LRP5: variants seen among roughly 807,000 people sequenced by gnomAD.
The protein encoded by LRP5 is low-density lipoprotein receptor-related protein 5.
LRP5 carries 62 observed loss-of-function variants against 154.1 expected under a neutral mutation model. That is an observed-to-expected ratio of 0.40 (90% CI 0.33 to 0.50). The LOEUF is 0.50. Among genes scored for constraint, LRP5 ranks in the 20% least tolerant of loss-of-function variants. The probability of loss-of-function intolerance (pLI) is 0.55; values close to 1 mark genes in which losing one functional copy is unlikely to be tolerated. For missense variants in LRP5, 1,915 were observed against 2,336.7 expected, an observed-to-expected ratio of 0.82 and a Z score of 3.72; for synonymous variants, 966 against 1,011.5, an observed-to-expected ratio of 0.96 and a Z score of 0.85.
chr11:68,435,037 A>G (rs1028501065), intron 18 of LRP5, among the ~76,000 whole-genome samples: 2 of 152,252 alleles, frequency 1.3e-5, no homozygotes, highest in Admixed American at 6.5e-5. Flanking sequence ...TTTTGTAAAT[A>G]AAGTTTTCTT....
chr11:68,341,059 C>CCTTTTT (rs1555071026), intron 1 of LRP5, among the ~76,000 whole-genome samples: 8 of 83,478 alleles, frequency 9.6e-5, no homozygotes, highest in African/African-American at 2.9e-4. Flanking sequence ...GGAGATTGTT[C>CCTTTTT]TTTTTTTTTT....
chr11:68,409,960 T>C lies in LRP5; in HGVS notation c.2138T>C (p.Val713Ala). 1 of 1,613,274 alleles carries C rather than the reference T, an allele frequency of 6.2e-7. No individual in the cohort carries two copies. Residue 713 changes from valine (V) to alanine (A), a missense_variant, in exon 10 of 23, where the codon GTG (valine) becomes GCG (alanine). Transcript: ENST00000294304. ...AACGGGAGCTCGGTGGAGCACGTGG[T>C]GGAGTTTGGCCTTGACTACCCCGAG... ...FMNGSSVEHV[V>A]EFGLDYPEGM...
At chr11:68,400,155 G>A (rs974573915) in intron 7 of LRP5, among the ~76,000 whole-genome samples, 8 of 152,180 alleles carry the variant, frequency 5.3e-5, no homozygotes, top group South Asian at 2.1e-4. Context: ...AGCCCCAGCC[G>A]GGTGGAACAG....
At chr11:68,313,895 C>T (rs2098590875) in intron 1 of LRP5, among the ~76,000 whole-genome samples, 2 of 152,168 alleles carry the variant, frequency 1.3e-5, no homozygotes, top group Admixed American at 1.3e-4. Context: ...GTAGTCAGAT[C>T]CCCCAGGCTG....
intron 3 of LRP5, among the ~76,000 whole-genome samples, chr11:68,358,733 T>A (rs1204662410): frequency 1.3e-5 from 2 of 152,230 alleles, no homozygotes; most frequent in Admixed American, 1.3e-4. Flanking sequence ...AGCCTTCTGG[T>A]CAGCATAGCT....
At chr11:68,428,236 C>A (rs755322630) in intron 16 of LRP5, among the ~76,000 whole-genome samples, 1 of 152,062 alleles carries the variant, frequency 6.6e-6, no homozygotes, top group African/African-American at 2.4e-5. Flanking sequence ...CTCAGGTGAT[C>A]CACGCACCTC....
chr11:68,399,573 G>T (rs1256531783), intron 7 of LRP5, among the ~76,000 whole-genome samples: 1 of 152,212 alleles, frequency 6.6e-6, no homozygotes, highest in African/African-American at 2.4e-5. Flanking sequence ...GTTCCTGGGT[G>T]TCCTAAATTT....
At chr11:68,419,126 T>C (rs1230663020) in intron 13 of LRP5, among the ~76,000 whole-genome samples, 1 of 152,208 alleles carries the variant, frequency 6.6e-6, no homozygotes, top group Non-Finnish European at 1.5e-5. Flanking sequence ...CCCCAAAAGA[T>C]GGTGTCTAAA....
At chr11:68,351,928 G>A (rs1289127614) in intron 2 of LRP5, among the ~76,000 whole-genome samples, 2 of 152,160 alleles carry the variant, frequency 1.3e-5, no homozygotes, top group Non-Finnish European at 2.9e-5. Flanking sequence ...AGAGGGATCA[G>A]CCAGTGCAAA....
intron 1 of LRP5, among the ~76,000 whole-genome samples, chr11:68,322,096 C>T (rs1180603541): frequency 3.3e-5 from 5 of 152,232 alleles, no homozygotes; most frequent in Admixed American, 6.5e-5. Context: ...TCCCCCAGAG[C>T]GAACTTGCTT....
chr11:68,391,689 T>C (rs2098646432), intron 7 of LRP5, among the ~76,000 whole-genome samples: 1 of 152,214 alleles, frequency 6.6e-6, no homozygotes, highest in African/African-American at 2.4e-5. Flanking sequence ...CTGCTGGAGC[T>C]CCTTGTAAAT....
chr11:68,314,861 C>T (rs1414822802), intron 1 of LRP5, among the ~76,000 whole-genome samples: 1 of 152,248 alleles, frequency 6.6e-6, no homozygotes, highest in Non-Finnish European at 1.5e-5. Context: ...TGTTTAGCTC[C>T]CCTCTTCAGT....
At chr11:68,436,305 C>T (rs2098674870) in intron 18 of LRP5, among the ~76,000 whole-genome samples, 1 of 152,086 alleles carries the variant, frequency 6.6e-6, no homozygotes, top group South Asian at 2.1e-4. Context: ...TGGGGGCAGG[C>T]GTGGCTATGG....
chr11:68,347,021 G>A (rs80301600), intron 1 of LRP5, among the ~76,000 whole-genome samples: 15,737 of 152,282 alleles, frequency 0.1, 1,096 homozygotes, highest in Admixed American at 0.24. Flanking sequence ...TGAGGGCTGC[G>A]GTGCAGAGGG....
At chr11:68,428,573 G>C (rs915008762) in intron 16 of LRP5, among the ~76,000 whole-genome samples, 1 of 151,776 alleles carries the variant, frequency 6.6e-6, no homozygotes, top group Non-Finnish European at 1.5e-5. Flanking sequence ...CTTTGTGTCT[G>C]CGTCTTTACC....
intron 1 of LRP5, among the ~76,000 whole-genome samples, chr11:68,316,805 A>G (rs563895505): frequency 6.6e-6 from 1 of 152,308 alleles, no homozygotes; most frequent in African/African-American, 2.4e-5. Context: ...TTGGGGAGTC[A>G]GTGCTGGCAT....
chr11:68,444,786 A>G (rs1352805930), intron 21 of LRP5, among the ~76,000 whole-genome samples: 1 of 152,042 alleles, frequency 6.6e-6, no homozygotes, highest in Non-Finnish European at 1.5e-5. Context: ...AACAGACCCC[A>G]TAGGCTGGGG....
At chr11:68,393,637 C>T (rs1430956091) in intron 7 of LRP5, among the ~76,000 whole-genome samples, 4 of 152,026 alleles carry the variant, frequency 2.6e-5, no homozygotes, top group East Asian at 1.9e-4. Flanking sequence ...AAAAATTAGC[C>T]GGGTGTGGCA....
Position 68,403,474 on chromosome 11 carries a change from G to A in LRP5, c.1585-9G>A, listed in dbSNP as rs202067798. 6.9e-4 allele frequency: 1,111 copies of A among 1,613,506 alleles called. 1 individual carries two copies. Among genetic ancestry groups the A allele is most frequent in the Non-Finnish European group, 8.7e-4 (1,032 of 1,179,584 alleles). On this transcript the variant is annotated splice_polypyrimidine_tract_variant and intron_variant, in intron 7 of 22. Coordinates refer to ENST00000294304, the MANE Select transcript of LRP5 (RefSeq NM_002335.4). The stretch of plus-strand genomic sequence containing the variant: ...GCCCATCCAGACCTATATTTCTGCC[G>A]TCCTGCAGGTGATCAATGTTGATGG...
Sources: allele counts gnomAD v4.1 joint callset (sites outside exome capture counted in the v4.1 genomes callset), GRCh38; gene constraint gnomAD v4.1.1; transcripts MANE v1.5; gene names NCBI Gene and HGNC (gene_info 2026-07-23, HGNC 2026-07-21).